CTNNA3: variants seen among roughly 807,000 people sequenced by gnomAD.
CTNNA3 encodes the protein catenin alpha-3.
Under a neutral mutation model 95.7 loss-of-function variants are expected in CTNNA3, and 76 were observed. The ratio of observed to expected loss-of-function variants is 0.79; its 90% CI spans 0.66 to 0.96. The LOEUF (loss-of-function observed/expected upper bound fraction) is 0.96, where lower values mean the gene tolerates loss of function less well. Among genes scored for constraint, CTNNA3 ranks in the 40% least tolerant of loss-of-function variants. The probability of loss-of-function intolerance (pLI) is 0.00; values close to 1 mark genes in which losing one functional copy is unlikely to be tolerated. For synonymous variants in CTNNA3, 431 were observed against 374.4 expected (o/e 1.15, Z -1.74); for missense variants, 1,191 against 1,089.8 (o/e 1.09, Z -1.31).
Position 66,722,517 on chromosome 10 carries a change from A to C in CTNNA3, c.1281+43747T>G, listed in dbSNP as rs186314927. Among the ~76,000 whole-genome samples the C allele has an allele frequency of 4.4e-4, 67 of 152,210 alleles. 1 individual carries two copies. Among genetic ancestry groups the C allele is most frequent in the African/African-American group, 1.6e-3 (66 of 41,542 alleles). ...GTTAAAAGAAGTGACATCCACTGGG[A>C]GACTCAGGCCAAATGTGATTTCTTC... is the stretch of plus-strand genomic sequence containing the variant. On this transcript the variant is annotated intron_variant, in intron 9 of 17. Coordinates refer to ENST00000433211, the MANE Select transcript of CTNNA3 (RefSeq NM_013266.4).
intron 12 of CTNNA3, among the ~76,000 whole-genome samples, chr10:66,305,289 A>G (rs1187162595): frequency 6.6e-6 from 1 of 152,230 alleles, no homozygotes; most frequent in East Asian, 1.9e-4. Flanking sequence ...ATGCACACAC[A>G]TATCATGTTT....
chr10:66,899,624 G>C (rs937384134), intron 7 of CTNNA3, among the ~76,000 whole-genome samples: 1 of 152,078 alleles, frequency 6.6e-6, no homozygotes, highest in African/African-American at 2.4e-5. Context: ...AGACTGTACC[G>C]GGAAAAACGG....
intron 9 of CTNNA3, among the ~76,000 whole-genome samples, chr10:66,674,451 G>C (rs1487699073): frequency 6.6e-6 from 1 of 151,738 alleles, no homozygotes; most frequent in Non-Finnish European, 1.5e-5. Flanking sequence ...ATTTTACCTT[G>C]GGCAAGGTAT....
At chr10:67,452,702 G>A (rs529390080) in intron 5 of CTNNA3, among the ~76,000 whole-genome samples, 24 of 152,236 alleles carry the variant, frequency 1.6e-4, no homozygotes, top group South Asian at 4.2e-4. Flanking sequence ...CAGGAGGAGC[G>A]GAGGGTTCTC....
chr10:67,579,158 C>T (rs1035107130), intron 3 of CTNNA3, among the ~76,000 whole-genome samples: 9 of 147,228 alleles, frequency 6.1e-5, no homozygotes, highest in Admixed American at 4.7e-4. Flanking sequence ...CACCGATTAA[C>T]TCATCATTCA....
intron 13 of CTNNA3, among the ~76,000 whole-genome samples, chr10:66,134,077 A>G (rs2083244421): frequency 6.6e-6 from 1 of 152,156 alleles, no homozygotes; most frequent in South Asian, 2.1e-4. Context: ...GTCAAAATCA[A>G]ACTATAAATA....
intron 17 of CTNNA3, among the ~76,000 whole-genome samples, chr10:65,936,930 C>G (rs1371441869): frequency 6.6e-6 from 1 of 151,794 alleles, no homozygotes; most frequent in African/African-American, 2.4e-5. Flanking sequence ...GCACAATAAT[C>G]ATATCTACCT....
intron 13 of CTNNA3, among the ~76,000 whole-genome samples, chr10:66,164,918 A>T (rs1469985998): frequency 6.6e-6 from 1 of 152,138 alleles, no homozygotes; most frequent in Non-Finnish European, 1.5e-5. Flanking sequence ...AGGTCACATT[A>T]TATTTGGGAG....
At chr10:67,586,969 G>T (rs1005868903) in intron 3 of CTNNA3, among the ~76,000 whole-genome samples, 4 of 151,988 alleles carry the variant, frequency 2.6e-5, no homozygotes, top group Non-Finnish European at 4.4e-5. Context: ...CTCTACCAAT[G>T]ACTTACACTT....
chr10:65,929,271 A>G (rs543843542), intron 17 of CTNNA3, among the ~76,000 whole-genome samples: 7 of 152,132 alleles, frequency 4.6e-5, no homozygotes, highest in Non-Finnish European at 1.0e-4. Context: ...AATCCAGTCT[A>G]TCATTGTTGG....
Position 66,409,447 on chromosome 10 carries a change from G to C in CTNNA3, c.1532-30095C>G, listed in dbSNP as rs577887528. Among the ~76,000 whole-genome samples the C allele has an allele frequency of 3.3e-5, 5 of 152,142 alleles. No homozygotes were observed. In the South Asian group the frequency reaches 1.0e-3, roughly 32 times the overall value. Reference sequence around the variant, plus strand: ...TTAAGAAGGATAGAGATGAACTTGGGAATCTTCTTGGTTCAATAGTTACTG... The same window carrying C: ...TTAAGAAGGATAGAGATGAACTTGGCAATCTTCTTGGTTCAATAGTTACTG... On this transcript the variant is annotated intron_variant, in intron 11 of 17. Transcript: ENST00000433211.
chr10:66,390,116 A>G (rs56664086), intron 11 of CTNNA3, among the ~76,000 whole-genome samples: 14,873 of 152,196 alleles, frequency 0.098, 917 homozygotes, highest in East Asian at 0.22. Flanking sequence ...AATTCAGTGA[A>G]AACAAAATGT....
chr10:66,507,339 C>A (rs1009107367), intron 11 of CTNNA3, among the ~76,000 whole-genome samples: 1 of 152,058 alleles, frequency 6.6e-6, no homozygotes, highest in Non-Finnish European at 1.5e-5. Flanking sequence ...AAGTCATTAT[C>A]ATTTGTTTAA....
At chr10:67,672,573 C>G (rs181297329) in intron 1 of CTNNA3, among the ~76,000 whole-genome samples, 190 of 152,246 alleles carry the variant, frequency 1.2e-3, no homozygotes, top group African/African-American at 4.4e-3. Context: ...CAGCTTTCTA[C>G]GTAGGGCTAG....
intron 9 of CTNNA3, among the ~76,000 whole-genome samples, chr10:66,702,270 T>C (rs1430113594): frequency 6.6e-6 from 1 of 152,018 alleles, no homozygotes; most frequent in African/African-American, 2.4e-5. Context: ...TGCTGTGTTT[T>C]GATTAATAGG....
intron 15 of CTNNA3, among the ~76,000 whole-genome samples, chr10:66,059,297 C>T (rs1041773055): frequency 2.0e-5 from 3 of 151,990 alleles, no homozygotes; most frequent in Admixed American, 1.3e-4. Context: ...AGAATTGTGT[C>T]ATTGAATAAA....
At chr10:67,194,120 G>A (rs1047367658) in intron 6 of CTNNA3, among the ~76,000 whole-genome samples, 3 of 152,004 alleles carry the variant, frequency 2.0e-5, no homozygotes, top group Admixed American at 6.6e-5. Flanking sequence ...CTTTTGAAAT[G>A]TGTCTGTTCA....
At chr10:67,612,093 T>C (rs1457499768) in intron 2 of CTNNA3, among the ~76,000 whole-genome samples, 1 of 152,030 alleles carries the variant, frequency 6.6e-6, no homozygotes, top group East Asian at 1.9e-4. Flanking sequence ...TTAACAAAAG[T>C]ACAGAGGAAG....
intron 5 of CTNNA3, among the ~76,000 whole-genome samples, chr10:67,485,999 C>A (rs775223080): frequency 1.3e-5 from 2 of 152,074 alleles, no homozygotes; most frequent in Non-Finnish European, 2.9e-5. Flanking sequence ...TAATTAGAAG[C>A]CTTTTATGTT....
Sources: allele counts gnomAD v4.1 joint callset (sites outside exome capture counted in the v4.1 genomes callset), GRCh38; gene constraint gnomAD v4.1.1; transcripts MANE v1.5; gene names NCBI Gene and HGNC (gene_info 2026-07-23, HGNC 2026-07-21).